DPH6: variants seen among roughly 807,000 people sequenced by gnomAD.
DPH6 encodes the protein diphthamine biosynthesis 6, also known as diphthine--ammonia ligase.
DPH6 carries 33 observed loss-of-function variants against 38.2 expected under a neutral mutation model. The observed-to-expected ratio is 0.86, with a 90% CI of 0.65 to 1.15. DPH6 has a LOEUF of 1.15. DPH6 is among the 50% of genes most tolerant of loss of function. The probability of loss-of-function intolerance (pLI) is 0.00; values close to 1 mark genes in which losing one functional copy is unlikely to be tolerated. For synonymous variants in DPH6, 108 were observed against 103.0 expected (o/e 1.05, Z -0.30); for missense variants, 325 against 320.0 (o/e 1.02, Z -0.12).
intron 3 of DPH6, among the ~76,000 whole-genome samples, chr15:35,236,936 CGATA>C (rs950709056): frequency 7.5e-4 from 114 of 152,112 alleles, no homozygotes; most frequent in African/African-American, 2.6e-3. Flanking sequence ...TGTTCCTAGT[CGATA>C]GATATTTTTG....
At chr15:35,335,726 C>A (rs1040513217) in intron 3 of DPH6, among the ~76,000 whole-genome samples, 1 of 152,108 alleles carries the variant, frequency 6.6e-6, no homozygotes, top group African/African-American at 2.4e-5. Flanking sequence ...GTTCTCTGTT[C>A]GATTCCATTG....
chr15:35,522,367 C>G, intron 3 of DPH6: 1 of 1,329,236 alleles, frequency 7.5e-7, no homozygotes, highest in South Asian at 1.4e-5. Context: ...TCTTTCACCA[C>G]CAGTCAGGCT....
chr15:35,335,507 AG>A (rs2052364053), intron 3 of DPH6, among the ~76,000 whole-genome samples: 1 of 152,080 alleles, frequency 6.6e-6, no homozygotes, highest in Non-Finnish European at 1.5e-5. Context: ...GGTTTCTTCA[AG>A]GGTTTTTATA....
chr15:35,257,000 G>GCTGATGACATAAGCATA (rs2051712648), intron 3 of DPH6, among the ~76,000 whole-genome samples: 1 of 152,196 alleles, frequency 6.6e-6, no homozygotes, highest in South Asian at 2.1e-4. Context: ...ACAGCTATTT[G>GCTGATGACATAAGCATA]AGGACTGATA....
At chr15:35,340,666 G>A (rs921423323) in intron 3 of DPH6, among the ~76,000 whole-genome samples, 22 of 152,072 alleles carry the variant, frequency 1.4e-4, no homozygotes, top group African/African-American at 5.3e-4. Flanking sequence ...TAAAATTCTG[G>A]GTTGGAAATT....
chr15:35,274,129 C>T (rs1868934157), intron 3 of DPH6, among the ~76,000 whole-genome samples: 1 of 152,252 alleles, frequency 6.6e-6, no homozygotes, highest in Non-Finnish European at 1.5e-5. Flanking sequence ...CTTCAACTAA[C>T]CTGACAAAAA....
intron 5 of DPH6, among the ~76,000 whole-genome samples, chr15:35,429,796 A>G (rs2053609906): frequency 6.6e-6 from 1 of 152,146 alleles, no homozygotes; most frequent in Admixed American, 6.5e-5. Context: ...TATTGAAAGG[A>G]TATCTGTAAT....
the DPH6 span, among the ~76,000 whole-genome samples, chr15:35,145,594 G>C: frequency 6.6e-6 from 1 of 152,144 alleles, no homozygotes; most frequent in Non-Finnish European, 1.5e-5. Flanking sequence ...CCCTGTTCCT[G>C]TCTATGAGGG....
intron 3 of DPH6, among the ~76,000 whole-genome samples, chr15:35,258,875 A>G (rs1175414565): frequency 6.6e-6 from 1 of 152,056 alleles, no homozygotes; most frequent in African/African-American, 2.4e-5. Context: ...TGGGCCGGGC[A>G]CGGTGGCTCA....
intron 6 of DPH6, among the ~76,000 whole-genome samples, chr15:35,388,824 T>G (rs2140953531): frequency 6.6e-6 from 1 of 152,330 alleles, no homozygotes; most frequent in African/African-American, 2.4e-5. Context: ...TGAAGGGTTT[T>G]TTGTGTCTCT....
At chr15:35,326,741 G>T (rs2052285995), downstream of DPH6, among the ~76,000 whole-genome samples, 1 of 152,106 alleles carries the variant, frequency 6.6e-6, no homozygotes, top group Non-Finnish European at 1.5e-5. Flanking sequence ...TGGCATGTAA[G>T]TAGTCTTATA....
chr15:35,328,643 A>C (rs930690291), downstream of DPH6, among the ~76,000 whole-genome samples: 3 of 152,222 alleles, frequency 2.0e-5, no homozygotes, highest in African/African-American at 7.2e-5. Context: ...AAATTATGTA[A>C]AACTAAAGAA....
At chr15:35,215,915 G>A (rs940388787), downstream of DPH6, among the ~76,000 whole-genome samples, 4 of 152,202 alleles carry the variant, frequency 2.6e-5, no homozygotes, top group Non-Finnish European at 4.4e-5. Context: ...CAGTGCCTGT[G>A]CAGTCTTAAC....
At chr15:35,448,205 G>A (rs1335280670) in intron 5 of DPH6, among the ~76,000 whole-genome samples, 1 of 151,788 alleles carries the variant, frequency 6.6e-6, no homozygotes, top group African/African-American at 2.4e-5. Flanking sequence ...TTTTTGCCAT[G>A]AGGTCTATAA....
chr15:35,226,798 A>G (rs768779795), intron 3 of DPH6, among the ~76,000 whole-genome samples: 3 of 152,164 alleles, frequency 2.0e-5, no homozygotes, highest in African/African-American at 7.2e-5. Flanking sequence ...TCAAAATACC[A>G]GTTTTGTCTG....
intron 6 of DPH6, among the ~76,000 whole-genome samples, chr15:35,392,162 A>C (rs150286407): frequency 6.8e-4 from 103 of 152,316 alleles, no homozygotes; most frequent in African/African-American, 2.3e-3. Context: ...TTTAAAAATG[A>C]ATTCCTAGTA....
At chr15:35,493,799 C>T (rs1298296345) in intron 3 of DPH6, among the ~76,000 whole-genome samples, 3 of 152,104 alleles carry the variant, frequency 2.0e-5, no homozygotes, top group South Asian at 4.1e-4. Context: ...GGGAGAGCGA[C>T]TATGCACCTA....
Position 35,537,921 on chromosome 15 carries a change from T to C in DPH6, c.312+353A>G, listed in dbSNP as rs565061888. On this transcript the variant is annotated intron_variant, in intron 3 of 8. Transcript: ENST00000256538. The stretch of plus-strand genomic sequence containing the variant: ...TGCGTCCACCATTCTATCCCCAGTG[T>C]CTAGCACTATATGCCAGGCATATAG... Among the ~76,000 whole-genome samples, 9 of 152,228 alleles carry C rather than the reference T, an allele frequency of 5.9e-5. No homozygotes were observed. The South Asian group carries it at 6.2e-4, about 11-fold the overall frequency.
At chr15:35,464,154 C>T (rs1323277853) in intron 3 of DPH6, among the ~76,000 whole-genome samples, 2 of 151,896 alleles carry the variant, frequency 1.3e-5, no homozygotes, top group South Asian at 2.1e-4. Context: ...ATTATCTGGG[C>T]GTGGTGGCAC....
Sources: allele counts gnomAD v4.1 joint callset (sites outside exome capture counted in the v4.1 genomes callset), GRCh38; gene constraint gnomAD v4.1.1; transcripts MANE v1.5; gene names NCBI Gene and HGNC (gene_info 2026-07-23, HGNC 2026-07-21).